GPSM1: variants seen among roughly 807,000 people sequenced by gnomAD.
GPSM1 encodes the protein G protein signaling modulator 1.
GPSM1 carries 48 observed loss-of-function variants against 70.5 expected under a neutral mutation model. The observed-to-expected ratio is 0.68, with a 90% CI of 0.54 to 0.87. The LOEUF is 0.87. GPSM1 is among the 40% of genes least tolerant of loss of function. The pLI is 0.00. For synonymous variants in GPSM1, 416 were observed against 430.1 expected, an observed-to-expected ratio of 0.97 and a Z score of 0.41; for missense variants, 981 against 972.6, an observed-to-expected ratio of 1.01 and a Z score of -0.11.
intron 9 of GPSM1, among the ~76,000 whole-genome samples, chr9:136,347,541 C>G (rs1165848586): frequency 6.6e-6 from 1 of 152,158 alleles, no homozygotes; most frequent in Admixed American, 6.5e-5. Context: ...CAGTGTCAGC[C>G]TCGTTCCGCC....
intron 13 of GPSM1, among the ~76,000 whole-genome samples, chr9:136,357,310 G>C (rs1832858181): frequency 6.6e-6 from 1 of 152,212 alleles, no homozygotes; most frequent in African/African-American, 2.4e-5. Context: ...CACGTTTCCA[G>C]GTCTGCCGTC....
At chr9:136,353,630 A>G (rs28642213) in intron 11 of GPSM1, among the ~76,000 whole-genome samples, 116,173 of 152,162 alleles carry the variant, frequency 0.76, 44,532 homozygotes, top group East Asian at 0.95. Context: ...TGCCCGACAT[A>G]GGACCCTGAG....
intron 9 of GPSM1, among the ~76,000 whole-genome samples, chr9:136,345,254 G>A (rs1170978218): frequency 6.6e-6 from 1 of 152,252 alleles, no homozygotes; most frequent in African/African-American, 2.4e-5. Flanking sequence ...GATGATGACA[G>A]TGTGACGGTC....
At chr9:136,344,232 C>G (rs1396821354) in intron 9 of GPSM1, among the ~76,000 whole-genome samples, 1 of 84,670 alleles carries the variant, frequency 1.2e-5, no homozygotes, top group African/African-American at 4.6e-5. Context: ...CGGACAGAAG[C>G]GGGGTGGGGC....
rs781939366 is a variant in GPSM1, at chr9:136,336,145, G to A, written c.426+44G>A. On this transcript the variant is annotated intron_variant, in intron 3 of 13. Transcript: ENST00000440944. ...GCTGGGTGTCTCCCACCCCTGCACC[G>A]GCCTGCGTCCAGATCCGGGATAGGG... 1.0e-5 allele frequency: 16 copies of A among 1,594,500 alleles called. No individual in the cohort carries two copies. In the South Asian group the frequency reaches 1.0e-4, roughly 10 times the overall value.
chr9:136,357,115 G>A (rs1832852574), intron 13 of GPSM1, among the ~76,000 whole-genome samples: 1 of 152,220 alleles, frequency 6.6e-6, no homozygotes. Flanking sequence ...CTGTGTGGGG[G>A]TGAGCCAGGT....
intron 9 of GPSM1, among the ~76,000 whole-genome samples, chr9:136,347,837 T>C (rs565665244): frequency 6.6e-6 from 1 of 152,254 alleles, no homozygotes; most frequent in South Asian, 2.1e-4. Flanking sequence ...GGGCCCACTC[T>C]CCCAAACTCC....
At chr9:136,337,393 G>A (rs1554769428) in intron 4 of GPSM1, 48 bp from the exon 5 acceptor site, 2 of 1,554,998 alleles carry the variant, frequency 1.3e-6, no homozygotes, top group Non-Finnish European at 1.7e-6. Flanking sequence ...TGGGGTGGGT[G>A]AGGACATGGG....
At chr9:136,353,093 C>T (rs892612925) in intron 11 of GPSM1, 8 of 985,310 alleles carry the variant, frequency 8.1e-6, no homozygotes, top group Admixed American at 6.1e-5. Flanking sequence ...GTCCTGCCTG[C>T]GCTCTGTGTG....
At chr9:136,345,203 C>T (rs1832492183) in intron 9 of GPSM1, among the ~76,000 whole-genome samples, 5 of 152,136 alleles carry the variant, frequency 3.3e-5, no homozygotes. Flanking sequence ...CTTGAGTTGG[C>T]CATTGCACAT....
rs373488186 is a variant in GPSM1 at position 136,339,769 on chromosome 9, C to T, written c.1037C>T (p.Ala346Val). The T allele has an allele frequency of 5.7e-4, 885 of 1,549,950 alleles. No homozygotes were observed. The highest frequency in any genetic ancestry group is 7.3e-4 in the Non-Finnish European group (833 of 1,146,630). Residue 346 changes from alanine to valine, a missense_variant, in exon 8 of 14, where the codon GCG becomes GTG. By Grantham distance (64) the Ala-to-Val change is moderately conservative. Coordinates refer to ENST00000440944, the MANE Select transcript of GPSM1 (RefSeq NM_001145638.3). ...GCCTACGTGTCCATGGGGCGCCCAG[C>T]GCAGGCCCTGACCTTCGCCAAGAAG... ...GNAYVSMGRP[A>V]QALTFAKKHL...
rs1466761606 is a variant in GPSM1, at chr9:136,348,696, G to A, written c.1208-1G>A. ...GGCTGACCGGGTCCCTCTGTCTTCA[G>A]GGGCCAGACCCAAGAGGACGCAGAG... On this transcript the variant is annotated splice_acceptor_variant, in intron 9 of 13. Transcript: ENST00000440944. LOFTEE classifies it high-confidence loss of function. 2 of 1,610,232 alleles carry A rather than the reference G, an allele frequency of 1.2e-6. No homozygotes were observed. Among genetic ancestry groups the A allele is most frequent in the African/African-American group, 1.3e-5 (1 of 74,878 alleles).
In GPSM1 at chr9:136,358,427, A is replaced by G. The variant is rs3812550; in HGVS notation, c.*207A>G. ...TCCCGGGCTGGCCCCCATGGCCCTC[A>G]GCTTCCTCCCTTCTGCCCCTGCCGC... On this transcript the variant is annotated 3_prime_UTR_variant, in exon 14 of 14. Transcript: ENST00000440944. 258,351 of 577,946 alleles carry G rather than the reference A, an allele frequency of 0.45. 59,488 individuals carry two copies. Among genetic ancestry groups the G allele is most frequent in the Admixed American group, 0.52 (15,116 of 29,050 alleles). The allele number at this position is 577,946 out of a possible 1,614,324, so 35.8% of individuals were successfully genotyped here.
At chr9:136,353,513 C>T (rs1554772476) in intron 11 of GPSM1, among the ~76,000 whole-genome samples, 1 of 152,240 alleles carries the variant, frequency 6.6e-6, no homozygotes. Flanking sequence ...TTCCCCGTAC[C>T]AGGCACTGAG....
intron 9 of GPSM1, among the ~76,000 whole-genome samples, chr9:136,346,878 C>T (rs1371722639): frequency 2.0e-5 from 3 of 152,182 alleles, no homozygotes; most frequent in African/African-American, 4.8e-5. Context: ...CCGCCTGAGC[C>T]GGCTCTCTCC....
chr9:136,348,485 C>T (rs1832578708), intron 9 of GPSM1, among the ~76,000 whole-genome samples: 3 of 152,352 alleles, frequency 2.0e-5, no homozygotes, highest in South Asian at 2.1e-4. Flanking sequence ...AGCCAGGACG[C>T]GCTCTGTCTC....
rs782673890 is a variant in GPSM1 at position 136,334,450 on chromosome 9, G to A, written c.72G>A (p.Met24Ile). 1.9e-6 allele frequency: 3 copies of A among 1,610,958 alleles called. No homozygotes were observed. The highest frequency in any genetic ancestry group is 2.5e-6 in the Non-Finnish European group (3 of 1,179,176). Residue 24 changes from methionine (M) to isoleucine (I), a missense_variant, in exon 2 of 14, where the codon ATG becomes ATA. Transcript: ENST00000440944. ...GPAARRLYSR[M>I]EASCLELALE... is the part of the protein sequence containing the mutation. ...GACGCCAAGTTCCTCTGCACAGGAT[G>A]GAGGCGTCCTGCCTAGAGCTGGCGC...
rs557827037 is a variant in GPSM1 at position 136,349,736 on chromosome 9, C to G, written c.1428C>G (p.Ala476=). 1 of 1,580,138 alleles carries G rather than the reference C, an allele frequency of 6.3e-7. No homozygotes were observed. Among genetic ancestry groups the G allele is most frequent in the Non-Finnish European group, 8.6e-7 (1 of 1,164,640 alleles). ...REGSHSPLDS[A]DVRVHVPRTS... is the part of the protein sequence containing the mutation. Reference sequence around the variant, plus strand: ...GCAGCCACTCCCCGCTGGACAGCGCCGACGTCCGGGTGCACGTGCCACGCA... The same window carrying G: ...GCAGCCACTCCCCGCTGGACAGCGCGGACGTCCGGGTGCACGTGCCACGCA... The change falls in exon 11 of 14, where the codon GCC becomes GCG. Residue 476 remains alanine (A), a synonymous_variant. Transcript: ENST00000440944.
intron 2 of GPSM1, among the ~76,000 whole-genome samples, chr9:136,335,031 G>A (rs1554769033): frequency 2.0e-5 from 3 of 152,196 alleles, no homozygotes; most frequent in Non-Finnish European, 2.9e-5. Context: ...GCAGGGAGCT[G>A]GGTTTCAGCT....
Sources: allele counts gnomAD v4.1 joint callset (sites outside exome capture counted in the v4.1 genomes callset), GRCh38; gene constraint gnomAD v4.1.1; transcripts MANE v1.5; gene names NCBI Gene and HGNC (gene_info 2026-07-23, HGNC 2026-07-21).